GRM3: variants seen among roughly 807,000 people sequenced by gnomAD.
GRM3 encodes the protein glutamate metabotropic receptor 3.
In GRM3, 26 loss-of-function variants were observed where a neutral mutation model predicts 70.5. The observed-to-expected ratio is 0.37, with a 90% CI of 0.27 to 0.51. The LOEUF is 0.51. GRM3 is among the 20% of genes least tolerant of loss of function. The probability of loss-of-function intolerance (pLI) is 0.93; values close to 1 mark genes in which losing one functional copy is unlikely to be tolerated. For synonymous variants in GRM3, 443 were observed against 434.9 expected, an observed-to-expected ratio of 1.02 and a Z score of -0.23; for missense variants, 859 against 1,123.8, an observed-to-expected ratio of 0.76 and a Z score of 3.37.
At chr7:86,677,635 C>T (rs1052593101) in intron 1 of GRM3, among the ~76,000 whole-genome samples, 3 of 151,948 alleles carry the variant, frequency 2.0e-5, no homozygotes, top group Admixed American at 6.6e-5. Context: ...TTTCAATTTT[C>T]AGTCTGGCTA....
At chr7:86,760,306 G>A (rs192860266) in intron 1 of GRM3, among the ~76,000 whole-genome samples, 100 of 152,134 alleles carry the variant, frequency 6.6e-4, no homozygotes, top group African/African-American at 2.4e-3. Context: ...ATATATTGCA[G>A]GGGTTATATT....
At chr7:86,692,512 T>C (rs769310578) in intron 1 of GRM3, among the ~76,000 whole-genome samples, 2 of 152,224 alleles carry the variant, frequency 1.3e-5, no homozygotes, top group Non-Finnish European at 2.9e-5. Flanking sequence ...GTCATTCAGT[T>C]ATTTGCTCAA....
At chr7:86,655,820 CTGTGTGTG>C (rs371609030) in intron 1 of GRM3, among the ~76,000 whole-genome samples, 3 of 144,440 alleles carry the variant, frequency 2.1e-5, no homozygotes, top group African/African-American at 7.9e-5. Flanking sequence ...AAGGCTAACT[CTGTGTGTG>C]TGTGTGTGTG....
At chr7:86,704,489 G>A (rs1383606708) in intron 1 of GRM3, among the ~76,000 whole-genome samples, 6 of 151,740 alleles carry the variant, frequency 4.0e-5, no homozygotes. Flanking sequence ...TCCTTTGTAA[G>A]TCCCAAAATA....
At chr7:86,838,630 T>C (rs1225496885) in intron 3 of GRM3, among the ~76,000 whole-genome samples, 2 of 152,204 alleles carry the variant, frequency 1.3e-5, no homozygotes, top group African/African-American at 4.8e-5. Flanking sequence ...CACCCTTTGA[T>C]ACTCAGTAAT....
chr7:86,649,811 T>A (rs1422490447), intron 1 of GRM3, among the ~76,000 whole-genome samples: 1 of 152,120 alleles, frequency 6.6e-6, no homozygotes, highest in African/African-American at 2.4e-5. Flanking sequence ...AATTAGTCAA[T>A]AAATATTTAT....
At chr7:86,659,634 G>C (rs1793841199) in intron 1 of GRM3, among the ~76,000 whole-genome samples, 1 of 152,078 alleles carries the variant, frequency 6.6e-6, no homozygotes. Context: ...TGTTAATAAA[G>C]TGACATTGAG....
intron 1 of GRM3, among the ~76,000 whole-genome samples, chr7:86,741,959 A>T (rs2116324152): frequency 6.6e-6 from 1 of 151,944 alleles, no homozygotes; most frequent in African/African-American, 2.4e-5. Flanking sequence ...CCACACCAAA[A>T]TTTAATGGCT....
At chr7:86,733,313 CA>C (rs61108218) in intron 1 of GRM3, among the ~76,000 whole-genome samples, 387 of 115,464 alleles carry the variant, frequency 3.4e-3, no homozygotes, top group Admixed American at 3.4e-3. Flanking sequence ...CACGCCGTCT[CA>C]AAAAAAAAAA....
chr7:86,763,838 T>A (rs1338975405), intron 1 of GRM3, among the ~76,000 whole-genome samples: 1 of 152,096 alleles, frequency 6.6e-6, no homozygotes, highest in African/African-American at 2.4e-5. Context: ...AGGGGGTATC[T>A]TTGTCTAATG....
At chr7:86,793,016 C>CTTTTTTT (rs140134217) in intron 3 of GRM3, among the ~76,000 whole-genome samples, 5 of 94,362 alleles carry the variant, frequency 5.3e-5, no homozygotes, top group East Asian at 3.0e-4. Context: ...GGTTGGTTGC[C>CTTTTTTT]TTTTTTTTTT....
At chr7:86,837,341 C>T (rs1484330043) in intron 3 of GRM3, among the ~76,000 whole-genome samples, 1 of 152,108 alleles carries the variant, frequency 6.6e-6, no homozygotes, top group Non-Finnish European at 1.5e-5. Flanking sequence ...ACAGTGTTTC[C>T]TGGACAGCGT....
At chr7:86,767,514 C>CATAT (rs3057233) in intron 2 of GRM3, among the ~76,000 whole-genome samples, 107 of 100,084 alleles carry the variant, frequency 1.1e-3, no homozygotes, top group East Asian at 3.4e-3. Flanking sequence ...GGTCATACTT[C>CATAT]ATATATATAT....
At chr7:86,658,664 A>T (rs566693670) in intron 1 of GRM3, among the ~76,000 whole-genome samples, 1 of 152,318 alleles carries the variant, frequency 6.6e-6, no homozygotes, top group East Asian at 1.9e-4. Flanking sequence ...TAAGTACTGC[A>T]TACAGAAAAT....
At chr7:86,660,973 C>T (rs1793877193) in intron 1 of GRM3, among the ~76,000 whole-genome samples, 4 of 151,836 alleles carry the variant, frequency 2.6e-5, no homozygotes. Context: ...AAGCAGAAAG[C>T]CAACAACAAA....
At chr7:86,722,456 T>C (rs946832380) in intron 1 of GRM3, among the ~76,000 whole-genome samples, 3 of 152,014 alleles carry the variant, frequency 2.0e-5, no homozygotes, top group African/African-American at 7.2e-5. Flanking sequence ...TTTGCAGGGA[T>C]GTGGATGAAG....
intron 1 of GRM3, among the ~76,000 whole-genome samples, chr7:86,720,485 A>C (rs1372366318): frequency 6.6e-6 from 1 of 152,108 alleles, no homozygotes; most frequent in Non-Finnish European, 1.5e-5. Flanking sequence ...TTTGAAACTG[A>C]AAGTGTAAAA....
chr7:86,850,615 G>T, intron 5 of GRM3, 71 bp downstream of exon 5: 1 of 970,614 alleles, frequency 1.0e-6, no homozygotes, highest in Non-Finnish European at 1.7e-6. Context: ...CCAAGAACAG[G>T]CAACACATGT....
chr7:86,749,916 T>G (rs990070700), intron 1 of GRM3, among the ~76,000 whole-genome samples: 10 of 152,008 alleles, frequency 6.6e-5, no homozygotes, highest in African/African-American at 2.4e-4. Context: ...ATTCCACTAC[T>G]CAGTGACTGA....
Sources: allele counts gnomAD v4.1 joint callset (sites outside exome capture counted in the v4.1 genomes callset), GRCh38; gene constraint gnomAD v4.1.1; transcripts MANE v1.5; gene names NCBI Gene and HGNC (gene_info 2026-07-23, HGNC 2026-07-21).